The following SEC24D variants were observed in gnomAD, a reference collection of about 807,000 sequenced individuals.
SEC24D encodes the protein SEC24 homolog D, COPII component, also known as protein transport protein Sec24D.
In SEC24D, 69 loss-of-function variants were observed where a neutral mutation model predicts 116.9. The observed-to-expected ratio is 0.59, with a 90% CI of 0.49 to 0.72. The LOEUF is 0.72. SEC24D is among the 30% of genes least tolerant of loss of function. The probability of loss-of-function intolerance (pLI) is 0.00; values close to 1 mark genes in which losing one functional copy is unlikely to be tolerated. For synonymous variants in SEC24D, 405 were observed against 442.8 expected (o/e 0.91, Z 1.07); for missense variants, 1,131 against 1,264.1 (o/e 0.89, Z 1.60).
intron 10 of SEC24D, chr4:118,764,531 T>G: frequency 3.3e-6 from 1 of 305,014 alleles, no homozygotes; most frequent in Non-Finnish European, 6.1e-6. Flanking sequence ...GAACCAGGTA[T>G]ATTCTGTCTG....
intron 6 of SEC24D, among the ~76,000 whole-genome samples, chr4:118,814,614 G>A (rs1578466972): frequency 6.6e-6 from 1 of 152,096 alleles, no homozygotes; most frequent in South Asian, 2.1e-4. Context: ...TATTGTGCAA[G>A]ATGTAAAATA....
At chr4:118,797,510 T>C (rs556372050) in intron 8 of SEC24D, among the ~76,000 whole-genome samples, 173 bp downstream of exon 8, 30 of 152,368 alleles carry the variant, frequency 2.0e-4, no homozygotes, top group African/African-American at 7.2e-4. Context: ...CCAAAAACCA[T>C]AGCTTGCTGG....
At chr4:118,810,586 T>C (rs1436829486) in intron 6 of SEC24D, among the ~76,000 whole-genome samples, 1 of 152,204 alleles carries the variant, frequency 6.6e-6, no homozygotes, top group African/African-American at 2.4e-5. Context: ...CACACTTTAG[T>C]GTGCCTAGGA....
chr4:118,785,903 A>G (rs1351923796), intron 8 of SEC24D, among the ~76,000 whole-genome samples: 1 of 152,200 alleles, frequency 6.6e-6, no homozygotes, highest in Non-Finnish European at 1.5e-5. Flanking sequence ...TTTCTTGTAT[A>G]TAGCAGACAC....
intron 10 of SEC24D, 25 bp downstream of exon 10, chr4:118,764,777 C>T (rs1360985282): frequency 1.6e-6 from 2 of 1,234,068 alleles, no homozygotes; most frequent in Admixed American, 1.7e-5. Context: ...AATGTATAAA[C>T]ACTTGAAGTT....
Position 118,806,069 on chromosome 4 carries a change from ACACACACAGAGATG to A in SEC24D, c.802-129_802-116del, listed in dbSNP as rs1438585163. On this transcript the variant is annotated intron_variant, in intron 6 of 22. Coordinates refer to ENST00000280551, the MANE Select transcript of SEC24D (RefSeq NM_014822.4). ...CCTTTTCCCCTCCTTCTCAATATTC[ACACACACAGAGATG>A]CACACACAGTCTCACACACTCACAC... 9 of 665,514 alleles carry A rather than the reference ACACACACAGAGATG, an allele frequency of 1.4e-5. No individual in the cohort carries two copies. In the Admixed American group the frequency reaches 2.8e-4, roughly 21 times the overall value. The allele number at this position is 665,514 out of a possible 1,614,324, so 41.2% of individuals were successfully genotyped here.
chr4:118,792,544 T>G (rs927512112), intron 8 of SEC24D, among the ~76,000 whole-genome samples: 1 of 152,260 alleles, frequency 6.6e-6, no homozygotes, highest in African/African-American at 2.4e-5. Flanking sequence ...TGCTCTGTAC[T>G]AAGAAAAATT....
chr4:118,738,596 A>C (rs1339454366), intron 18 of SEC24D, among the ~76,000 whole-genome samples: 1 of 152,226 alleles, frequency 6.6e-6, no homozygotes, highest in African/African-American at 2.4e-5. Flanking sequence ...GCAAAAGGTT[A>C]TATTGGCCAG....
chr4:118,764,984 C>A, intron 9 of SEC24D, 67 bp from the exon 10 acceptor site: 1 of 887,524 alleles, frequency 1.1e-6, no homozygotes, highest in South Asian at 1.4e-5. Flanking sequence ...AGTAAGTTCT[C>A]AAAATTTATT....
chr4:118,765,745 A>C (rs950481513), intron 9 of SEC24D, among the ~76,000 whole-genome samples: 5 of 152,144 alleles, frequency 3.3e-5, no homozygotes, highest in Admixed American at 3.3e-4. Flanking sequence ...TCTTGTTTTT[A>C]AGCCAACAAT....
intron 8 of SEC24D, among the ~76,000 whole-genome samples, chr4:118,771,744 T>C (rs1203159901): frequency 6.6e-6 from 1 of 152,224 alleles, no homozygotes; most frequent in East Asian, 1.9e-4. Flanking sequence ...GCCTTCTTAA[T>C]ACCACTAGTA....
rs111713365 is a variant in SEC24D, at chr4:118,791,715, G to C, written c.1041+5968C>G. Among the ~76,000 whole-genome samples the C allele has an allele frequency of 8.2e-3, 1,242 of 152,248 alleles. 15 individuals are homozygous for C. The highest frequency in any genetic ancestry group is 0.029 in the African/African-American group (1,187 of 41,554). ...GGTTTTCGTATTTTTTGGTGGATACGGGGTTTCGCCGTGCTGGCCGGGCTG... is the reference window on the plus strand; with the variant it reads ...GGTTTTCGTATTTTTTGGTGGATACCGGGTTTCGCCGTGCTGGCCGGGCTG... On this transcript the variant is annotated intron_variant, in intron 8 of 22. Coordinates refer to ENST00000280551, the MANE Select transcript of SEC24D (RefSeq NM_014822.4).
chr4:118,818,685 T>A (rs1730255727), intron 3 of SEC24D, among the ~76,000 whole-genome samples: 2 of 152,126 alleles, frequency 1.3e-5, no homozygotes, highest in South Asian at 4.1e-4. Context: ...GTTTTATCGG[T>A]AGCCGGAATT....
At chr4:118,754,941 A>C (rs1293325324) in intron 11 of SEC24D, among the ~76,000 whole-genome samples, 1 of 152,136 alleles carries the variant, frequency 6.6e-6, no homozygotes, top group Non-Finnish European at 1.5e-5. Flanking sequence ...AAATACATAA[A>C]AGAAAATCTA....
At chr4:118,793,263 A>T (rs6534107) in intron 8 of SEC24D, among the ~76,000 whole-genome samples, 4 of 149,578 alleles carry the variant, frequency 2.7e-5, no homozygotes, top group African/African-American at 7.3e-5. Context: ...GTCAGGAGAT[A>T]GAGACCATCC....
intron 3 of SEC24D, among the ~76,000 whole-genome samples, chr4:118,821,634 A>AGATAATT (rs1730408772): frequency 6.6e-6 from 1 of 152,254 alleles, no homozygotes; most frequent in Non-Finnish European, 1.5e-5. Flanking sequence ...TAATTTAGAT[A>AGATAATT]CAGTAAAATT....
At chr4:118,784,267 T>C (rs1004533393) in intron 8 of SEC24D, among the ~76,000 whole-genome samples, 14 of 152,332 alleles carry the variant, frequency 9.2e-5, no homozygotes, top group African/African-American at 3.1e-4. Flanking sequence ...AATACATTTA[T>C]ATATTTATTC....
chr4:118,745,538 G>A (rs998183963), intron 13 of SEC24D, among the ~76,000 whole-genome samples: 1 of 152,148 alleles, frequency 6.6e-6, no homozygotes, highest in Non-Finnish European at 1.5e-5. Context: ...GCATAAGAAC[G>A]TAGTGGTGGT....
chr4:118,813,854 A>T (rs1235756874), intron 6 of SEC24D, among the ~76,000 whole-genome samples: 1 of 152,122 alleles, frequency 6.6e-6, no homozygotes, highest in Admixed American at 6.5e-5. Context: ...CATTATCCTA[A>T]ACCATCCACA....
Sources: allele counts gnomAD v4.1 joint callset (sites outside exome capture counted in the v4.1 genomes callset), GRCh38; gene constraint gnomAD v4.1.1; transcripts MANE v1.5; gene names NCBI Gene and HGNC (gene_info 2026-07-23, HGNC 2026-07-21).